Variants in GABRG3 observed in about 807,000 individuals in gnomAD.
GABRG3 encodes the protein gamma-aminobutyric acid type A receptor subunit gamma3.
GABRG3 carries 25 observed loss-of-function variants against 48.8 expected under a neutral mutation model. That is an observed-to-expected ratio of 0.51 (90% CI 0.37 to 0.72). GABRG3 has a LOEUF of 0.72. Among genes scored for constraint, GABRG3 ranks in the 30% least tolerant of loss-of-function variants. GABRG3 has a pLI of 0.00. For missense variants in GABRG3, 394 were observed against 577.9 expected (o/e 0.68, Z 3.26); for synonymous variants, 227 against 217.6 (o/e 1.04, Z -0.38).
At chr15:27,231,201 A>G (rs1337420386) in intron 3 of GABRG3, among the ~76,000 whole-genome samples, 1 of 152,246 alleles carries the variant, frequency 6.6e-6, no homozygotes, top group Non-Finnish European at 1.5e-5. Context: ...CAATAAACCA[A>G]GAACTTATAA....
At chr15:27,145,606 T>TATCTATCTATCTATC (rs1555405987) in intron 3 of GABRG3, among the ~76,000 whole-genome samples, 210 of 118,356 alleles carry the variant, frequency 1.8e-3, no homozygotes, top group African/African-American at 3.5e-3. Flanking sequence ...TATCTATCTC[T>TATCTATCTATCTATC]ATCTATCTAT....
At chr15:27,118,317 A>G (rs545384704) in intron 3 of GABRG3, among the ~76,000 whole-genome samples, 67 of 152,242 alleles carry the variant, frequency 4.4e-4, no homozygotes, top group African/African-American at 1.6e-3. Context: ...TACACGAGAT[A>G]AGGATGATGG....
At chr15:27,506,412 TG>T (rs557744349) in intron 6 of GABRG3, among the ~76,000 whole-genome samples, 61 of 152,282 alleles carry the variant, frequency 4.0e-4, no homozygotes, top group African/African-American at 1.5e-3. Context: ...ATGGTCTTGC[TG>T]GCTTAAATAA....
intron 2 of GABRG3, among the ~76,000 whole-genome samples, chr15:26,990,432 A>G (rs571085300): frequency 6.6e-6 from 1 of 152,310 alleles, no homozygotes; most frequent in African/African-American, 2.4e-5. Context: ...TTTGAGAAAT[A>G]TCTATTAGAA....
chr15:27,328,597 A>G (rs942373542), intron 4 of GABRG3, among the ~76,000 whole-genome samples: 1 of 152,236 alleles, frequency 6.6e-6, no homozygotes, highest in Non-Finnish European at 1.5e-5. Context: ...TCTCTGTGCC[A>G]CTGATAGTTA....
chr15:27,076,400 T>C (rs1316954660), intron 3 of GABRG3, among the ~76,000 whole-genome samples: 1 of 146,168 alleles, frequency 6.8e-6, no homozygotes, highest in African/African-American at 2.5e-5. Flanking sequence ...CTCGGCTCAC[T>C]GCAACCTCCA....
chr15:27,137,024 C>T (rs745805770), intron 3 of GABRG3, among the ~76,000 whole-genome samples: 9 of 152,312 alleles, frequency 5.9e-5, no homozygotes, highest in Non-Finnish European at 1.0e-4. Flanking sequence ...CCCCAGCTCT[C>T]GCCGCTCCAG....
At chr15:27,499,736 C>T (rs1320273420) in intron 6 of GABRG3, among the ~76,000 whole-genome samples, 6 of 152,238 alleles carry the variant, frequency 3.9e-5, no homozygotes, top group African/African-American at 4.8e-5. Flanking sequence ...AAAGCTAACA[C>T]GTGCTGGTAC....
intron 4 of GABRG3, among the ~76,000 whole-genome samples, chr15:27,328,250 C>T (rs567142272): frequency 1.9e-3 from 283 of 151,542 alleles, no homozygotes; most frequent in African/African-American, 6.5e-3. Context: ...TGACATGACA[C>T]GGAACTTCAG....
chr15:27,099,535 G>A (rs1378489490), intron 3 of GABRG3, among the ~76,000 whole-genome samples: 6 of 151,964 alleles, frequency 3.9e-5, no homozygotes, highest in Non-Finnish European at 7.4e-5. Flanking sequence ...ACATCATTAC[G>A]TCTTTGAAGA....
chr15:27,314,266 T>C (rs1361749520), intron 3 of GABRG3, among the ~76,000 whole-genome samples: 1 of 152,196 alleles, frequency 6.6e-6, no homozygotes, highest in African/African-American at 2.4e-5. Flanking sequence ...TGACTATACA[T>C]GTCTCCCAAG....
At chr15:26,990,532 G>T (rs994134493) in intron 2 of GABRG3, among the ~76,000 whole-genome samples, 23 of 151,976 alleles carry the variant, frequency 1.5e-4, no homozygotes, top group African/African-American at 4.6e-4. Flanking sequence ...TTAATCTCTT[G>T]TCAGATGGAT....
At chr15:27,462,458 G>A (rs1889479419) in intron 5 of GABRG3, among the ~76,000 whole-genome samples, 1 of 152,048 alleles carries the variant, frequency 6.6e-6, no homozygotes, top group South Asian at 2.1e-4. Flanking sequence ...AAACAGAAAT[G>A]TCTAAAATAT....
At chr15:27,038,813 G>T (rs1438604734) in intron 3 of GABRG3, among the ~76,000 whole-genome samples, 1 of 152,160 alleles carries the variant, frequency 6.6e-6, no homozygotes, top group Non-Finnish European at 1.5e-5. Flanking sequence ...CAGAAGAGCT[G>T]GAGCTCAGCC....
intron 5 of GABRG3, among the ~76,000 whole-genome samples, chr15:27,354,586 T>G (rs79124445): frequency 0.013 from 2,045 of 152,290 alleles, 45 homozygotes; most frequent in African/African-American, 0.046. Flanking sequence ...AGCACTTAGC[T>G]GCACTGAGAA....
chr15:27,030,574 AGT>A (rs1335638841), intron 3 of GABRG3, among the ~76,000 whole-genome samples: 1 of 152,204 alleles, frequency 6.6e-6, no homozygotes, highest in Non-Finnish European at 1.5e-5. Context: ...CATCAAAGAA[AGT>A]GTGTGTGGTT....
chr15:27,031,188 A>G (rs1445701792), intron 3 of GABRG3, among the ~76,000 whole-genome samples: 1 of 152,118 alleles, frequency 6.6e-6, no homozygotes, highest in African/African-American at 2.4e-5. Context: ...TGCAAAGCCT[A>G]TGGCTTACAT....
intron 3 of GABRG3, among the ~76,000 whole-genome samples, chr15:27,194,326 A>C (rs1266042108): frequency 6.6e-6 from 1 of 152,176 alleles, no homozygotes; most frequent in Non-Finnish European, 1.5e-5. Flanking sequence ...TGTCAATTAT[A>C]TTTTTATCCT....
intron 5 of GABRG3, among the ~76,000 whole-genome samples, chr15:27,448,676 G>A (rs1889016361): frequency 6.6e-6 from 1 of 152,160 alleles, no homozygotes; most frequent in African/African-American, 2.4e-5. Context: ...TTCAGAAAAT[G>A]TATGTTTGTT....
Sources: allele counts gnomAD v4.1 joint callset (sites outside exome capture counted in the v4.1 genomes callset), GRCh38; gene constraint gnomAD v4.1.1; transcripts MANE v1.5; gene names NCBI Gene and HGNC (gene_info 2026-07-23, HGNC 2026-07-21).